Variants in GRIA3 observed in about 807,000 individuals in gnomAD.
GRIA3 encodes the protein glutamate ionotropic receptor AMPA type subunit 3.
A neutral mutation model predicts 63.0 loss-of-function variants in GRIA3; 3 were observed. The observed-to-expected ratio is 0.05, with a 90% CI of 0.02 to 0.12. The LOEUF is 0.12. Among genes scored for constraint, GRIA3 ranks in the 10% least tolerant of loss-of-function variants. The pLI is 1.00. For missense variants in GRIA3, 347 were observed against 700.9 expected, an observed-to-expected ratio of 0.50 and a Z score of 5.70; for synonymous variants, 274 against 257.9, an observed-to-expected ratio of 1.06 and a Z score of -0.60.
intron 3 of GRIA3, among the ~76,000 whole-genome samples, chrX:123,272,921 A>T (rs1165841394): frequency 9.0e-6 from 1 of 111,399 alleles, no homozygotes; most frequent in Non-Finnish European, 1.9e-5. Context: ...CCTCTGGTAG[A>T]TTCAAAACCT....
At chrX:123,233,471 C>T (rs894756467) in intron 2 of GRIA3, among the ~76,000 whole-genome samples, 1 of 111,546 alleles carries the variant, frequency 9.0e-6, no homozygotes, top group African/African-American at 3.3e-5. Context: ...CACTTACCCT[C>T]TCTGAGCCTC....
intron 2 of GRIA3, among the ~76,000 whole-genome samples, chrX:123,218,684 T>G (rs1316549515): frequency 9.0e-6 from 1 of 111,713 alleles, no homozygotes; most frequent in Non-Finnish European, 1.9e-5. Context: ...GCAAGTGGAC[T>G]TAGCAGGCCT....
At chrX:123,284,248 A>AG (rs2044604171) in intron 3 of GRIA3, among the ~76,000 whole-genome samples, 1 of 112,404 alleles carries the variant, frequency 8.9e-6, no homozygotes, top group Non-Finnish European at 1.9e-5. Flanking sequence ...TCTGAAGGTC[A>AG]CCAACATCAA....
At chrX:123,438,700 T>C (rs1462196797) in intron 12 of GRIA3, among the ~76,000 whole-genome samples, 1 of 111,659 alleles carries the variant, frequency 9.0e-6, no homozygotes, top group Non-Finnish European at 1.9e-5. Flanking sequence ...TTTTTGTATT[T>C]TTAGTAGAGA....
At chrX:123,262,173 A>C (rs1014923230) in intron 3 of GRIA3, among the ~76,000 whole-genome samples, 1 of 111,892 alleles carries the variant, frequency 8.9e-6, no homozygotes, top group African/African-American at 3.3e-5. Flanking sequence ...AATTAAAGCC[A>C]AGGCAGGGTT....
At chrX:123,195,104 A>G (rs1042095241) in intron 2 of GRIA3, among the ~76,000 whole-genome samples, 3 of 113,342 alleles carry the variant, frequency 2.6e-5, no homozygotes, top group African/African-American at 9.6e-5. Context: ...ACGTCATGGC[A>G]AATGCCAACT....
intron 3 of GRIA3, among the ~76,000 whole-genome samples, chrX:123,255,715 G>A (rs1483299353): frequency 9.2e-6 from 1 of 108,697 alleles, no homozygotes; most frequent in Non-Finnish European, 1.9e-5. Context: ...GTTTGGACAA[G>A]TCTATGGTCT....
intron 4 of GRIA3, among the ~76,000 whole-genome samples, chrX:123,338,637 G>T (rs2044989072): frequency 8.9e-6 from 1 of 111,737 alleles, no homozygotes; most frequent in South Asian, 3.8e-4. Context: ...TGGAACCTTC[G>T]CCTCCCGGGT....
At position 123,223,569 on chromosome X, in the gene GRIA3, G is replaced by A. The variant is rs189030495; in HGVS notation, c.269-29734G>A. Among the ~76,000 whole-genome samples the A allele has an allele frequency of 4.4e-5, 5 of 112,429 alleles. No homozygotes were observed. The East Asian group carries it at 1.1e-3, about 25-fold the overall frequency. ...CAATGCTTTTTCAGAATGTAGGGCTGCTAGAAGGCCCTCTTTCTGAAGAAC... is the reference window on the plus strand; with the variant it reads ...CAATGCTTTTTCAGAATGTAGGGCTACTAGAAGGCCCTCTTTCTGAAGAAC... On this transcript the variant is annotated intron_variant, in intron 2 of 15. Transcript: ENST00000620443.
Position 123,482,977 on chromosome X carries a change from A to G in GRIA3, c.2618A>G (p.Asn873Ser), listed in dbSNP as rs2045919421. 1 of 1,204,079 alleles carries G rather than the reference A, an allele frequency of 8.3e-7. No homozygotes were observed. The highest frequency in any genetic ancestry group is 1.1e-6 in the Non-Finnish European group (1 of 889,924). The change falls in exon 15 of 16, where the codon AAC becomes AGC. Residue 873 changes from asparagine (N) to serine (S), a missense_variant. Asn to Ser is a conservative substitution (Grantham distance 46). Around this residue, in one of 8 missense-constraint regions of GRIA3, gnomAD observed 29 missense variants for 46.7 expected, o/e 0.62. Coordinates refer to ENST00000620443, the MANE Select transcript of GRIA3 (RefSeq NM_007325.5). The stretch of plus-strand genomic sequence containing the variant: ...AACTTTAAGCCTGCTCCTGCCACCA[A>G]CACTCAGAATTATGCTACATACAGA... ...TQNFKPAPAT[N>S]TQNYATYREG... is the part of the protein sequence containing the mutation.
rs2045426526 is a variant in GRIA3, at chrX:123,398,556, G to T, written c.913-80G>T. 3.8e-6 allele frequency: 3 copies of T among 788,731 alleles called. No homozygotes were observed. In the African/African-American group the frequency reaches 6.1e-5, roughly 16 times the overall value. The allele number at this position is 788,731 out of a possible 1,213,427, so 65.0% of individuals were successfully genotyped here. On this transcript the variant is annotated intron_variant, in intron 6 of 15. Transcript: ENST00000620443. ...ACTGCATAGAACAATAGGTAGAAAT[G>T]AATGAAAATTATAAGAAACAAGGCA... is the stretch of plus-strand genomic sequence containing the variant.
At position 123,308,740 on chromosome X, in the gene GRIA3, C is replaced by T. The variant is rs747546807; in HGVS notation, c.509-17286C>T. Reference sequence around the variant, plus strand: ...TTTCGTATCCAGCCACTCCATTCATCGCACCCACTTTCATAGTGGTTCTGG... The same window carrying T: ...TTTCGTATCCAGCCACTCCATTCATTGCACCCACTTTCATAGTGGTTCTGG... On this transcript the variant is annotated intron_variant, in intron 3 of 15. Transcript: ENST00000620443. 4.5e-5 allele frequency among the ~76,000 whole-genome samples: 5 copies of T among 111,864 alleles called. No homozygotes were observed. The South Asian group carries it at 1.9e-3, about 42-fold the overall frequency.
chrX:123,317,066 T>C (rs867152167), intron 3 of GRIA3, among the ~76,000 whole-genome samples: 4 of 110,925 alleles, frequency 3.6e-5, no homozygotes, highest in Admixed American at 9.6e-5. Context: ...ACTTCTTACA[T>C]GGTGGCGGCA....
At chrX:123,248,557 G>A (rs1221657343) in intron 2 of GRIA3, among the ~76,000 whole-genome samples, 3 of 111,641 alleles carry the variant, frequency 2.7e-5, no homozygotes, top group African/African-American at 9.8e-5. Flanking sequence ...AGGCTGAGGC[G>A]GGTGGATCAC....
At chrX:123,443,107 C>T (rs781254477) in intron 12 of GRIA3, among the ~76,000 whole-genome samples, 7 of 111,498 alleles carry the variant, frequency 6.3e-5, no homozygotes, top group Non-Finnish European at 3.8e-5. Context: ...TTGGCACTGT[C>T]GCATTGATGC....
chrX:123,248,428 A>G (rs1406097512), intron 2 of GRIA3, among the ~76,000 whole-genome samples: 1 of 112,310 alleles, frequency 8.9e-6, no homozygotes, highest in Non-Finnish European at 1.9e-5. Flanking sequence ...TCATGACTTT[A>G]TAAGATTGCC....
At chrX:123,259,467 C>T (rs1251097258) in intron 3 of GRIA3, among the ~76,000 whole-genome samples, 2 of 99,533 alleles carry the variant, frequency 2.0e-5, no homozygotes, top group African/African-American at 3.7e-5. Context: ...CTCCTCTCCA[C>T]TCCTTACGCC....
chrX:123,408,620 C>T (rs1427169655), intron 10 of GRIA3, among the ~76,000 whole-genome samples: 1 of 112,171 alleles, frequency 8.9e-6, no homozygotes, highest in Non-Finnish European at 1.9e-5. Flanking sequence ...GATGCCTTCT[C>T]TCCACTTCTG....
chrX:123,213,187 T>G (rs2147261477), intron 2 of GRIA3, among the ~76,000 whole-genome samples: 1 of 112,140 alleles, frequency 8.9e-6, no homozygotes, highest in East Asian at 2.8e-4. Flanking sequence ...ATGGAAAAAT[T>G]ATCTTCCATG....
Sources: gnomAD v4.1 joint callset for allele counts (sites outside exome capture counted in the v4.1 genomes callset) on GRCh38, gnomAD v4.1.1 for gene constraint, gnomAD v4.1.1 regional missense constraint, MANE v1.5 for transcripts, NCBI Gene and HGNC (gene_info 2026-07-23, HGNC 2026-07-21) for gene names.